The following CTCFL variants were observed in gnomAD, a reference collection of about 807,000 sequenced individuals.
The protein encoded by CTCFL is transcriptional repressor CTCFL.
Under a neutral mutation model 67.4 loss-of-function variants are expected in CTCFL, and 36 were observed. That is an observed-to-expected ratio of 0.53 (90% CI 0.41 to 0.71). The LOEUF is 0.71. CTCFL is among the 30% of genes least tolerant of loss of function. The probability of loss-of-function intolerance (pLI) is 0.00; values close to 1 mark genes in which losing one functional copy is unlikely to be tolerated. For missense variants in CTCFL, 786 were observed against 835.2 expected, an observed-to-expected ratio of 0.94 and a Z score of 0.73; for synonymous variants, 324 against 302.3, an observed-to-expected ratio of 1.07 and a Z score of -0.75.
At chr20:57,512,940 G>C (rs915737946) in intron 7 of CTCFL, among the ~76,000 whole-genome samples, 188 bp from the exon 8 acceptor site, 3 of 152,164 alleles carry the variant, frequency 2.0e-5, no homozygotes, top group African/African-American at 7.2e-5. Flanking sequence ...CTGTCTACCA[G>C]ATGCCAGCAG....
intron 5 of CTCFL, among the ~76,000 whole-genome samples, chr20:57,516,356 A>T (rs2146397537): frequency 6.6e-6 from 1 of 152,136 alleles, no homozygotes; most frequent in Non-Finnish European, 1.5e-5. Flanking sequence ...TGGGCAACAT[A>T]GCAAAACCCT....
At chr20:57,512,890 A>G in intron 7 of CTCFL, 138 bp from the exon 8 acceptor site, 2 of 718,304 alleles carry the variant, frequency 2.8e-6, no homozygotes, top group Non-Finnish European at 4.6e-6. Flanking sequence ...AGGGTGGGCT[A>G]TCCTGTGCAT....
chr20:57,509,515 A>C (rs775824888), intron 8 of CTCFL, among the ~76,000 whole-genome samples: 1 of 152,108 alleles, frequency 6.6e-6, no homozygotes, highest in Non-Finnish European at 1.5e-5. Context: ...CTCCTGCCTT[A>C]GCCTCCCAAA....
Position 57,503,691 on chromosome 20 carries a change from G to C in CTCFL, c.1675-90C>G, listed in dbSNP as rs111599840. 3.3e-4 allele frequency: 465 copies of C among 1,413,146 alleles called. 5 individuals are homozygous for C. In the African/African-American group the frequency reaches 4.8e-3, roughly 15 times the overall value. The allele number at this position is 1,413,146 out of a possible 1,614,324, so 87.5% of individuals were successfully genotyped here. A position where few individuals can be genotyped will look rare whatever the true frequency, so the allele number is the denominator to read the frequency against. On this transcript the variant is annotated intron_variant, in intron 9 of 10. Coordinates refer to ENST00000243914, the MANE Select transcript of CTCFL (RefSeq NM_001386993.1). ...CCTGTGGGGACCCCACGCATGGAAA[G>C]AAAGAAAAATCCTGAGTTCTTTCGA...
At chr20:57,506,938 C>G (rs1600646960) in intron 9 of CTCFL, 1 of 985,296 alleles carries the variant, frequency 1.0e-6, no homozygotes, top group Non-Finnish European at 1.2e-6. Context: ...CTGTGCTACT[C>G]AGAAAAACAC....
Position 57,504,191 on chromosome 20 carries a change from T to G in CTCFL, c.1675-590A>C, listed in dbSNP as rs560169490. ...CGGGGTTTCACCGTGTTAGCCAGGATGGTCTCGATCTCCTGATATTGTGAT... is the reference window on the plus strand; with the variant it reads ...CGGGGTTTCACCGTGTTAGCCAGGAGGGTCTCGATCTCCTGATATTGTGAT... On this transcript the variant is annotated intron_variant, in intron 9 of 10. Coordinates refer to ENST00000243914, the MANE Select transcript of CTCFL (RefSeq NM_001386993.1). Among the ~76,000 whole-genome samples the G allele has an allele frequency of 2.0e-5, 3 of 151,796 alleles. No individual in the cohort carries two copies. In the East Asian group the frequency reaches 5.8e-4, roughly 29 times the overall value.
intron 10 of CTCFL, chr20:57,499,862 C>T (rs1294081053): frequency 2.2e-5 from 13 of 593,510 alleles, no homozygotes; most frequent in South Asian, 1.5e-4. Context: ...CGATGGGGAG[C>T]GGCTGTCAAT....
chr20:57,513,125 G>T (rs529470284), intron 7 of CTCFL: 73 of 357,818 alleles, frequency 2.0e-4, no homozygotes, highest in Non-Finnish European at 2.8e-4. Context: ...TGTCACACTG[G>T]ACCTAAAATG....
rs771831703 is a variant in CTCFL, at chr20:57,498,710, A to C, written c.1841-9T>G. ...CTCCTCAGCAGCAGCTTCTTGAGAA[A>C]AAGTCCAGGATGAGCAAATTTATCA... On this transcript the variant is annotated splice_polypyrimidine_tract_variant and intron_variant, in intron 10 of 10. Transcript: ENST00000243914. 2.5e-6 allele frequency: 4 copies of C among 1,609,196 alleles called. No homozygotes were observed. Among genetic ancestry groups the C allele is most frequent in the Admixed American group, 1.7e-5 (1 of 58,844 alleles).
At chr20:57,514,991 C>G in intron 6 of CTCFL, 2 of 520,178 alleles carry the variant, frequency 3.8e-6, no homozygotes, top group Non-Finnish European at 6.8e-6. Context: ...CAAGGTGGTT[C>G]ACATCCATGG....
chr20:57,513,574 C>T, intron 7 of CTCFL: 2 of 1,107,732 alleles, frequency 1.8e-6, no homozygotes, highest in South Asian at 4.4e-5. Flanking sequence ...GCCATGGTGT[C>T]AAAAAAGTCT....
Position 57,508,695 on chromosome 20 carries a change from G to T in CTCFL, c.1585C>A (p.Leu529Ile), listed in dbSNP as rs1195718910. 2.5e-6 allele frequency: 4 copies of T among 1,614,188 alleles called. No individual in the cohort carries two copies. Among genetic ancestry groups the T allele is most frequent in the Non-Finnish European group, 3.4e-6 (4 of 1,180,018 alleles). The change falls in exon 9 of 11, where the codon CTA becomes ATA. Residue 529 changes from leucine (L) to isoleucine (I), a missense_variant. By Grantham distance (5) the Leu-to-Ile change is conservative. Transcript: ENST00000243914. ...TGGTATTTCCTGAAGTGAGCGTTTA[G>T]AAGTTGCTTCTGTCGGAAACATTTA... is the stretch of plus-strand genomic sequence containing the variant. Reference protein sequence around the residue: ...CNKCFRQKQLLNAHFRKYHDA... With the variant: ...CNKCFRQKQLINAHFRKYHDA...
chr20:57,500,157 T>C, intron 10 of CTCFL: 1 of 973,210 alleles, frequency 1.0e-6, no homozygotes, highest in Non-Finnish European at 1.2e-6. Flanking sequence ...AAAGAAACAC[T>C]GAGATCCACA....
chr20:57,523,339 CTGGA>C, intron 2 of CTCFL, 61 bp from the exon 3 acceptor site: 3 of 1,457,414 alleles, frequency 2.1e-6, no homozygotes, highest in Middle Eastern at 4.7e-4. Context: ...AGACTTTTGC[CTGGA>C]TGAAGCACAG....
chr20:57,512,447 T>C, intron 8 of CTCFL, 145 bp downstream of exon 8: 1 of 759,914 alleles, frequency 1.3e-6, no homozygotes, highest in Non-Finnish European at 2.1e-6. Context: ...AATGACTGGC[T>C]CACAGTTGCT....
At chr20:57,509,284 ATTTTTT>A (rs370517858) in intron 8 of CTCFL, among the ~76,000 whole-genome samples, 1 of 134,652 alleles carries the variant, frequency 7.4e-6, no homozygotes, top group Admixed American at 7.6e-5. Context: ...CTTAATACCG[ATTTTTT>A]TTTTTTTTTT....
At chr20:57,509,947 T>A (rs1388321514) in intron 8 of CTCFL, among the ~76,000 whole-genome samples, 1 of 152,352 alleles carries the variant, frequency 6.6e-6, no homozygotes, top group South Asian at 2.1e-4. Context: ...ACATACCTGC[T>A]GTATGCCTGC....
intron 1 of CTCFL, chr20:57,524,519 C>G: frequency 8.6e-7 from 1 of 1,163,820 alleles, no homozygotes; most frequent in East Asian, 5.3e-5. Flanking sequence ...CCTGAGCACA[C>G]TCTGGCCCAG....
Position 57,523,714 on chromosome 20 carries a change from A to C in CTCFL, c.492T>G (p.Ser164Arg). ...HALEENVMVASEDSKLAVSLA... is the reference protein window; with the variant it reads ...HALEENVMVAREDSKLAVSLA... ...GGCTCACCGCTAACTTACTGTCTTC[A>C]CTGGCCACCATCACATTCTCCTCTA... The change falls in exon 2 of 11, where the codon AGT (serine) becomes AGG (arginine). Residue 164 changes from serine to arginine, a missense_variant. By Grantham distance (110) the Ser-to-Arg change is moderately radical. This residue lies in a region of CTCFL where 333 missense variants were observed against 304.6 expected (regional missense o/e 1.09). Coordinates refer to ENST00000243914, the MANE Select transcript of CTCFL (RefSeq NM_001386993.1). The C allele has an allele frequency of 6.2e-7, 1 of 1,613,464 alleles. No homozygotes were observed. Among genetic ancestry groups the C allele is most frequent in the East Asian group, 2.2e-5 (1 of 44,888 alleles).
Sources: gnomAD v4.1 joint callset for allele counts (sites outside exome capture counted in the v4.1 genomes callset) on GRCh38, gnomAD v4.1.1 for gene constraint, gnomAD v4.1.1 regional missense constraint, MANE v1.5 for transcripts, NCBI Gene and HGNC (gene_info 2026-07-23, HGNC 2026-07-21) for gene names.